Variants in IMMP2L observed in about 807,000 individuals in gnomAD.
The protein encoded by IMMP2L is mitochondrial inner membrane protease subunit 2.
IMMP2L carries 18 observed loss-of-function variants against 19.3 expected under a neutral mutation model. The observed-to-expected ratio is 0.93, with a 90% confidence interval of 0.64 to 1.38. IMMP2L has a LOEUF of 1.38. Among genes scored for constraint, IMMP2L ranks in the 40% most tolerant of loss-of-function variants. The pLI, the probability that IMMP2L is intolerant of heterozygous loss-of-function variation, is 0.00. For synonymous variants in IMMP2L, 76 were observed against 73.0 expected (o/e 1.04, Z -0.21); for missense variants, 233 against 218.2 (o/e 1.07, Z -0.43).
intron 3 of IMMP2L, among the ~76,000 whole-genome samples, chr7:111,441,750 C>T (rs992249792): frequency 6.7e-6 from 1 of 150,294 alleles, no homozygotes; most frequent in Non-Finnish European, 1.5e-5. Flanking sequence ...AACACAGTAT[C>T]TGCAAAGTGC....
At chr7:110,723,804 C>A (rs1322063450) in intron 5 of IMMP2L, among the ~76,000 whole-genome samples, 2 of 149,354 alleles carry the variant, frequency 1.3e-5, no homozygotes, top group African/African-American at 2.5e-5. Context: ...TCAAATGATA[C>A]CCACACTTAA....
At chr7:111,198,451 T>C (rs765411574) in intron 3 of IMMP2L, among the ~76,000 whole-genome samples, 3 of 152,000 alleles carry the variant, frequency 2.0e-5, no homozygotes, top group Non-Finnish European at 2.9e-5. Flanking sequence ...GTGGATCAAC[T>C]TACATAATGA....
At chr7:111,184,229 T>C (rs1194043185) in intron 3 of IMMP2L, among the ~76,000 whole-genome samples, 2 of 151,690 alleles carry the variant, frequency 1.3e-5, no homozygotes, top group Non-Finnish European at 1.5e-5. Context: ...CAAAGAGAAA[T>C]AGGGGGGAAA....
intron 3 of IMMP2L, among the ~76,000 whole-genome samples, chr7:111,403,191 A>G (rs1454194952): frequency 6.6e-6 from 1 of 151,838 alleles, no homozygotes; most frequent in African/African-American, 2.4e-5. Context: ...CGGTTTCCCC[A>G]TGCTATTCTC....
chr7:111,436,543 C>T (rs1837188469), intron 3 of IMMP2L, among the ~76,000 whole-genome samples: 1 of 151,688 alleles, frequency 6.6e-6, no homozygotes, highest in Non-Finnish European at 1.5e-5. Flanking sequence ...ACACACACCC[C>T]ACACATATAT....
At chr7:111,481,586 T>C (rs1842192714) in intron 3 of IMMP2L, among the ~76,000 whole-genome samples, 1 of 151,430 alleles carries the variant, frequency 6.6e-6, no homozygotes, top group South Asian at 2.1e-4. Context: ...ATAAACACTT[T>C]AAAAATATTA....
chr7:110,677,625 C>T (rs760132021), intron 5 of IMMP2L, among the ~76,000 whole-genome samples: 2 of 152,174 alleles, frequency 1.3e-5, no homozygotes, highest in South Asian at 2.1e-4. Context: ...CAAAGCTTTG[C>T]TTGTTTAGGT....
chr7:111,143,612 A>G (rs1159923253), intron 3 of IMMP2L, among the ~76,000 whole-genome samples: 1 of 152,112 alleles, frequency 6.6e-6, no homozygotes, highest in African/African-American at 2.4e-5. Flanking sequence ...ACTGATTTCA[A>G]ATGAAAGAAT....
At chr7:111,138,244 TG>T (rs1247404871) in intron 3 of IMMP2L, among the ~76,000 whole-genome samples, 4 of 152,252 alleles carry the variant, frequency 2.6e-5, no homozygotes. Context: ...GTAATCTTGA[TG>T]TTTTTGTTCC....
intron 3 of IMMP2L, among the ~76,000 whole-genome samples, chr7:111,410,531 T>TA (rs981007636): frequency 6.7e-6 from 1 of 149,562 alleles, no homozygotes; most frequent in African/African-American, 2.5e-5. Context: ...AAAAAAAAAT[T>TA]AGAGACAGAC....
rs184610321 is a variant in IMMP2L at position 110,838,503 on chromosome 7, A to G, written c.408+48090T>C. ...AAGGTAACTGGATAATGAGGGCTCT[A>G]CTCTCATGAATGGACTAATCTATTC... On this transcript the variant is annotated intron_variant, in intron 5 of 5. Transcript: ENST00000405709. Among the ~76,000 whole-genome samples the G allele has an allele frequency of 1.0e-3, 159 of 152,084 alleles. 1 individual carries two copies. The highest frequency in any genetic ancestry group is 1.5e-3 in the Admixed American group (23 of 15,230).
rs529339694 is a variant in IMMP2L, at chr7:111,458,634, ACT to A, written c.239+28602_239+28603del. Among the ~76,000 whole-genome samples the A allele has an allele frequency of 3.7e-3, 563 of 151,734 alleles. 7 individuals carry two copies. The highest frequency in any genetic ancestry group is 0.012 in the African/African-American group (512 of 41,370). On this transcript the variant is annotated intron_variant, in intron 3 of 5. Coordinates refer to ENST00000405709, the MANE Select transcript of IMMP2L (RefSeq NM_032549.4). ...CTCCTATCCCTCTGTTCTTTCTGTC[ACT>A]CTCTTCAAGATCCTTTTCCTCTTCT...
chr7:111,159,251 G>A (rs1237590098), intron 3 of IMMP2L, among the ~76,000 whole-genome samples: 1 of 152,088 alleles, frequency 6.6e-6, no homozygotes, highest in Non-Finnish European at 1.5e-5. Context: ...AAGTAGCTGG[G>A]ACTACAGGCA....
intron 3 of IMMP2L, among the ~76,000 whole-genome samples, chr7:111,158,549 T>A (rs976177156): frequency 6.6e-6 from 1 of 152,130 alleles, no homozygotes; most frequent in African/African-American, 2.4e-5. Context: ...TTAACTTTCA[T>A]CCAAAACTCT....
intron 2 of IMMP2L, among the ~76,000 whole-genome samples, chr7:111,496,117 G>C (rs913076014): frequency 2.0e-5 from 3 of 152,156 alleles, no homozygotes; most frequent in Admixed American, 6.5e-5. Flanking sequence ...TAAAGTAAAT[G>C]TACATTCTGA....
chr7:111,340,037 A>C (rs1826856250), intron 3 of IMMP2L, among the ~76,000 whole-genome samples: 1 of 152,030 alleles, frequency 6.6e-6, no homozygotes, highest in Admixed American at 6.6e-5. Flanking sequence ...ATACTCTAGA[A>C]ACAATTCACT....
rs557687988 is a variant in IMMP2L, at chr7:111,412,233, C to G, written c.239+75005G>C. Among the ~76,000 whole-genome samples, 23 of 151,958 alleles carry G rather than the reference C, an allele frequency of 1.5e-4. 1 individual carries two copies. In the South Asian group the frequency reaches 4.1e-3, roughly 27 times the overall value. On this transcript the variant is annotated intron_variant, in intron 3 of 5. Coordinates refer to ENST00000405709, the MANE Select transcript of IMMP2L (RefSeq NM_032549.4). ...AATAGCTGGAGATTTCAACACTACT[C>G]TCTAGGTAATTGACAGAACAAAGAG...
Position 111,332,777 on chromosome 7 carries a change from T to A in IMMP2L, c.239+154461A>T, listed in dbSNP as rs1826004993. The stretch of plus-strand genomic sequence containing the variant: ...CATATATTAGGTGATAAGGAAAATA[T>A]CAGTATGTTCTATAAAATAGTAATG... On this transcript the variant is annotated intron_variant, in intron 3 of 5. Coordinates refer to ENST00000405709, the MANE Select transcript of IMMP2L (RefSeq NM_032549.4). 1.3e-5 allele frequency among the ~76,000 whole-genome samples: 2 copies of A among 152,050 alleles called. 1 individual carries two copies. Among genetic ancestry groups the A allele is most frequent in the South Asian group, 4.1e-4 (2 of 4,830 alleles).
chr7:111,193,863 G>T (rs1809172420), intron 3 of IMMP2L, among the ~76,000 whole-genome samples: 2 of 151,924 alleles, frequency 1.3e-5, no homozygotes, highest in African/African-American at 4.8e-5. Flanking sequence ...CCAGGCTATG[G>T]GTCAACTTCC....
Sources: allele counts gnomAD v4.1 joint callset (sites outside exome capture counted in the v4.1 genomes callset), GRCh38; gene constraint gnomAD v4.1.1; transcripts MANE v1.5; gene names NCBI Gene and HGNC (gene_info 2026-07-23, HGNC 2026-07-21).